Variants in RFTN2 observed in about 807,000 individuals in gnomAD.
RFTN2 encodes the protein raftlin family member 2.
RFTN2 carries 34 observed loss-of-function variants against 52.7 expected under a neutral mutation model. The observed-to-expected ratio is 0.64, with a 90% CI of 0.49 to 0.86. The LOEUF is 0.86. Ranked by LOEUF, RFTN2 falls within the 40% of genes least tolerant of loss-of-function variation. The pLI is 0.00. For synonymous variants in RFTN2, 203 were observed against 217.7 expected (o/e 0.93, Z 0.59); for missense variants, 536 against 600.1 (o/e 0.89, Z 1.12).
chr2:197,668,131 C>A (rs937136367), intron 1 of RFTN2, among the ~76,000 whole-genome samples: 1 of 152,034 alleles, frequency 6.6e-6, no homozygotes, highest in Non-Finnish European at 1.5e-5. Flanking sequence ...CAGATAGGTG[C>A]CAGCTATGGT....
At chr2:197,673,817 T>G (rs1025980465) in intron 1 of RFTN2, among the ~76,000 whole-genome samples, 11 of 152,210 alleles carry the variant, frequency 7.2e-5, no homozygotes, top group African/African-American at 4.8e-5. Flanking sequence ...CAAGTTACTT[T>G]AAACCCTATG....
chr2:197,575,119 T>C (rs1432591945), intron 8 of RFTN2, among the ~76,000 whole-genome samples: 1 of 152,174 alleles, frequency 6.6e-6, no homozygotes, highest in African/African-American at 2.4e-5. Context: ...GTTCTTGTAA[T>C]AGTGAATAAG....
chr2:197,596,785 C>T (rs1333867104), intron 7 of RFTN2, among the ~76,000 whole-genome samples: 1 of 152,184 alleles, frequency 6.6e-6, no homozygotes, highest in Non-Finnish European at 1.5e-5. Flanking sequence ...AGAAAATTTA[C>T]ATCCATTTTC....
intron 7 of RFTN2, among the ~76,000 whole-genome samples, chr2:197,606,420 G>A (rs1282331675): frequency 6.6e-6 from 1 of 152,038 alleles, no homozygotes; most frequent in Non-Finnish European, 1.5e-5. Flanking sequence ...CAAAAGAGTG[G>A]GTTTATCTGT....
At chr2:197,656,528 A>G (rs2088896041) in intron 1 of RFTN2, among the ~76,000 whole-genome samples, 1 of 152,228 alleles carries the variant, frequency 6.6e-6, no homozygotes, top group Non-Finnish European at 1.5e-5. Flanking sequence ...AAACACGCAA[A>G]TAGACATCGG....
chr2:197,640,029 G>A (rs1160867151), intron 3 of RFTN2, among the ~76,000 whole-genome samples: 3 of 152,210 alleles, frequency 2.0e-5, no homozygotes, highest in Non-Finnish European at 2.9e-5. Flanking sequence ...CCTGCTGGGG[G>A]TGCCTCCCAG....
chr2:197,660,288 G>T (rs1045065808), intron 1 of RFTN2, among the ~76,000 whole-genome samples: 10 of 151,920 alleles, frequency 6.6e-5, no homozygotes, highest in African/African-American at 2.4e-4. Flanking sequence ...ATTAGAAGGA[G>T]TATCTAATTT....
chr2:197,602,214 C>T (rs761295012), intron 7 of RFTN2, among the ~76,000 whole-genome samples: 4 of 151,982 alleles, frequency 2.6e-5, no homozygotes, highest in East Asian at 3.9e-4. Context: ...TACAGGCGTG[C>T]GCCATTATGC....
At chr2:197,653,699 CT>C (rs2106259498) in intron 1 of RFTN2, among the ~76,000 whole-genome samples, 1 of 152,212 alleles carries the variant, frequency 6.6e-6, no homozygotes, top group African/African-American at 2.4e-5. Flanking sequence ...AAAGCAATTA[CT>C]TTTGCAATAA....
chr2:197,635,564 G>A lies in RFTN2; in HGVS notation c.439-1567C>T, dbSNP rs1431051596. Among the ~76,000 whole-genome samples the A allele has an allele frequency of 2.3e-4, 32 of 137,346 alleles. 1 individual carries two copies. Among genetic ancestry groups the A allele is most frequent in the Admixed American group, 5.1e-4 (7 of 13,642 alleles). The allele number at this position is 137,346 out of a possible 152,430, so 90.1% of individuals were successfully genotyped here. ...TGAGAAGTGTCTGTTCATGTCCTTCGCCCACTTTTTGATGGGGTTGTTTGT... is the reference window on the plus strand; with the variant it reads ...TGAGAAGTGTCTGTTCATGTCCTTCACCCACTTTTTGATGGGGTTGTTTGT... On this transcript the variant is annotated intron_variant, in intron 3 of 8. Coordinates refer to ENST00000295049, the MANE Select transcript of RFTN2 (RefSeq NM_144629.3).
At chr2:197,621,168 A>G (rs2088257097) in intron 5 of RFTN2, among the ~76,000 whole-genome samples, 1 of 151,986 alleles carries the variant, frequency 6.6e-6, no homozygotes, top group Admixed American at 6.6e-5. Context: ...ATCATCTACA[A>G]TTGTGCATGC....
chr2:197,605,977 T>C (rs2087955835), intron 7 of RFTN2, among the ~76,000 whole-genome samples: 1 of 152,180 alleles, frequency 6.6e-6, no homozygotes, highest in Non-Finnish European at 1.5e-5. Context: ...TAGTCAACTC[T>C]TTTTTCATTA....
chr2:197,591,613 T>C (rs1054741152), intron 8 of RFTN2, among the ~76,000 whole-genome samples: 3 of 152,062 alleles, frequency 2.0e-5, no homozygotes, highest in African/African-American at 7.2e-5. Context: ...GGGGCAGCAC[T>C]CATTGGGGAG....
In RFTN2 at chr2:197,650,070, A is replaced by G. The variant is rs540107599; in HGVS notation, c.140-3404T>C. On this transcript the variant is annotated intron_variant, in intron 1 of 8. Transcript: ENST00000295049. ...ACTAATAGCTAAAATGGTAAATTTCATGTCATGTATGTTTTACTACAATAA... is the reference window on the plus strand; with the variant it reads ...ACTAATAGCTAAAATGGTAAATTTCGTGTCATGTATGTTTTACTACAATAA... Among the ~76,000 whole-genome samples the G allele has an allele frequency of 6.6e-5, 10 of 152,150 alleles. No individual in the cohort carries two copies. In the East Asian group the frequency reaches 1.9e-3, roughly 29 times the overall value.
At chr2:197,602,147 C>T (rs991034961) in intron 7 of RFTN2, among the ~76,000 whole-genome samples, 1 of 152,112 alleles carries the variant, frequency 6.6e-6, no homozygotes, top group African/African-American at 2.4e-5. Context: ...CTCACCGCAA[C>T]CCCCACCTTG....
At chr2:197,652,777 C>T (rs954839453) in intron 1 of RFTN2, among the ~76,000 whole-genome samples, 11 of 152,008 alleles carry the variant, frequency 7.2e-5, no homozygotes, top group African/African-American at 2.7e-4. Flanking sequence ...TTTGGTGGTA[C>T]AAAGGTCTCC....
intron 5 of RFTN2, among the ~76,000 whole-genome samples, chr2:197,618,444 A>AC (rs2088187870): frequency 6.7e-6 from 1 of 150,046 alleles, no homozygotes; most frequent in South Asian, 2.1e-4. Context: ...TACAACCTCC[A>AC]CCTCCCAGCA....
intron 7 of RFTN2, among the ~76,000 whole-genome samples, chr2:197,611,137 A>AG (rs371688585): frequency 6.6e-5 from 10 of 152,208 alleles, no homozygotes; most frequent in African/African-American, 2.4e-4. Flanking sequence ...AAAATGAGTT[A>AG]GGGGGGAGTC....
chr2:197,588,796 C>G (rs559658891), intron 8 of RFTN2, among the ~76,000 whole-genome samples: 1 of 152,296 alleles, frequency 6.6e-6, no homozygotes, highest in East Asian at 1.9e-4. Flanking sequence ...GTGTCCTCAA[C>G]CAAATCTCAT....
Sources: allele counts gnomAD v4.1 joint callset (sites outside exome capture counted in the v4.1 genomes callset), GRCh38; gene constraint gnomAD v4.1.1; transcripts MANE v1.5; gene names NCBI Gene and HGNC (gene_info 2026-07-23, HGNC 2026-07-21).